The following KCNQ1 variants were observed in gnomAD, a reference collection of about 807,000 sequenced individuals.
The protein encoded by KCNQ1 is potassium voltage-gated channel subfamily KQT member 1.
In KCNQ1, 49 loss-of-function variants were observed where a neutral mutation model predicts 72.4. That is an observed-to-expected ratio of 0.68 (90% CI 0.54 to 0.86). The LOEUF is 0.86. Among genes scored for constraint, KCNQ1 ranks in the 40% least tolerant of loss-of-function variants. The probability of loss-of-function intolerance (pLI) is 0.00; values close to 1 mark genes in which losing one functional copy is unlikely to be tolerated. For synonymous variants in KCNQ1, 450 were observed against 412.6 expected (o/e 1.09, Z -1.10); for missense variants, 790 against 945.1 (o/e 0.84, Z 2.15).
Position 2,817,400 on chromosome 11 carries a change from C to T in KCNQ1, c.1795-30367C>T, listed in dbSNP as rs564312698. Among the ~76,000 whole-genome samples, 26 of 152,158 alleles carry T rather than the reference C, an allele frequency of 1.7e-4. No individual in the cohort carries two copies. The highest frequency in any genetic ancestry group is 3.7e-4 in the Non-Finnish European group (25 of 68,018). On this transcript the variant is annotated intron_variant, in intron 15 of 15. Transcript: ENST00000155840. This position sits in a 1 kb window ranked among gnomAD's most constrained non-coding sequence, Gnocchi z 6.1. ...GAATCACACCAGTGCCCCCTGACCCCCAGCCTTGTGCAGACACTGATACCC... is the reference window on the plus strand; with the variant it reads ...GAATCACACCAGTGCCCCCTGACCCTCAGCCTTGTGCAGACACTGATACCC...
At chr11:2,485,475 T>G (rs1225329215) in intron 1 of KCNQ1, among the ~76,000 whole-genome samples, 1 of 151,930 alleles carries the variant, frequency 6.6e-6, no homozygotes, top group African/African-American at 2.4e-5. Flanking sequence ...CCCCTCTTTC[T>G]TACAAAAAGG....
At chr11:2,586,694 G>T (rs781436852) in intron 8 of KCNQ1, among the ~76,000 whole-genome samples, 2 of 152,090 alleles carry the variant, frequency 1.3e-5, no homozygotes, top group Non-Finnish European at 2.9e-5. Context: ...TTGTGCCCTC[G>T]CCTGCCTGTC....
chr11:2,571,181 G>C, intron 3 of KCNQ1, 144 bp from the exon 4 acceptor site: 3 of 735,470 alleles, frequency 4.1e-6, no homozygotes, highest in Middle Eastern at 2.3e-4. Context: ...CTCCCTATCC[G>C]AGGTGTCTCC....
chr11:2,663,733 A>G lies in KCNQ1; in HGVS notation c.1514+1652A>G. ...GGTCTTGCAAGGCCCCTGCAGGTGA[A>G]GGTGGTGAGAGACCAGGCACTTATG... On this transcript the variant is annotated intron_variant, in intron 11 of 15. Transcript: ENST00000155840. This position sits in a 1 kb window ranked among gnomAD's most constrained non-coding sequence, Gnocchi z 5.2. 2.5e-6 allele frequency: 1 copy of G among 398,706 alleles called. No individual in the cohort carries two copies. The highest frequency in any genetic ancestry group is 4.4e-6 in the Non-Finnish European group (1 of 226,110). 24.7% of individuals were successfully genotyped at this position (398,706 alleles called of 1,614,324 possible).
chr11:2,591,582 C>T (rs1564827330), intron 10 of KCNQ1, among the ~76,000 whole-genome samples: 1 of 152,204 alleles, frequency 6.6e-6, no homozygotes, highest in African/African-American at 2.4e-5. Context: ...GGGCTGGGGA[C>T]CCAGCCTGTG....
Position 2,767,186 on chromosome 11 carries a change from A to AC in KCNQ1, c.1515-1658_1515-1657insC, listed in dbSNP as rs1491549587. Among the ~76,000 whole-genome samples, 1 of 147,522 alleles carries AC rather than the reference A, an allele frequency of 6.8e-6. No individual in the cohort carries two copies. The highest frequency in any genetic ancestry group is 1.5e-5 in the Non-Finnish European group (1 of 66,604). The stretch of plus-strand genomic sequence containing the variant: ...CATCTATATGTGTGTGTGTGTGTGT[A>AC]TTTTTTTTTTTCTTTGCTTAGCTAG... On this transcript the variant is annotated intron_variant, in intron 11 of 15. Transcript: ENST00000155840. This position sits in a 1 kb window ranked among gnomAD's most constrained non-coding sequence, Gnocchi z 4.6.
Position 2,471,114 on chromosome 11 carries a change from CCT to C in KCNQ1, c.386+25631_386+25632del, listed in dbSNP as rs1846446219. On this transcript the variant is annotated intron_variant, in intron 1 of 15. Coordinates refer to ENST00000155840, the MANE Select transcript of KCNQ1 (RefSeq NM_000218.3). The surrounding 1 kb of genome is among the most constrained non-coding windows in gnomAD (Gnocchi z 4.8). ...GCAGAGTTCTACCCGCCCTCACCAC[CCT>C]GTATCAACTCATCTCATCGATATCT... is the stretch of plus-strand genomic sequence containing the variant. Among the ~76,000 whole-genome samples, 1 of 152,068 alleles carries C rather than the reference CCT, an allele frequency of 6.6e-6. No individual in the cohort carries two copies. The highest frequency in any genetic ancestry group is 1.5e-5 in the Non-Finnish European group (1 of 68,002).
At chr11:2,619,494 T>C (rs1849127910) in intron 10 of KCNQ1, 1 of 398,470 alleles carries the variant, frequency 2.5e-6, no homozygotes, top group South Asian at 1.3e-4. Context: ...TTAAATAAGA[T>C]TTGCATGCCA....
intron 11 of KCNQ1, chr11:2,665,718 C>G: frequency 2.5e-6 from 1 of 398,410 alleles, no homozygotes. Flanking sequence ...CCCTCTTGGT[C>G]TCTTCCTCCC....
chr11:2,604,738 T>C (rs1848856529), intron 10 of KCNQ1, among the ~76,000 whole-genome samples: 1 of 151,740 alleles, frequency 6.6e-6, no homozygotes, highest in South Asian at 2.1e-4. Flanking sequence ...AGAGACAGGG[T>C]TTTACCATGT....
At chr11:2,609,329 C>T (rs1050872873) in intron 10 of KCNQ1, 6 of 398,198 alleles carry the variant, frequency 1.5e-5, no homozygotes, top group Non-Finnish European at 1.8e-5. Context: ...GTGTATGTTT[C>T]CCTAATTTCT....
rs1421382150 is a variant in KCNQ1, at chr11:2,450,696, A to G, written c.386+5212A>G. Among the ~76,000 whole-genome samples the G allele has an allele frequency of 2.6e-5, 4 of 152,122 alleles. No individual in the cohort carries two copies. Among genetic ancestry groups the G allele is most frequent in the Non-Finnish European group, 4.4e-5 (3 of 68,016 alleles). On this transcript the variant is annotated intron_variant, in intron 1 of 15. Coordinates refer to ENST00000155840, the MANE Select transcript of KCNQ1 (RefSeq NM_000218.3). The surrounding 1 kb of genome is among the most constrained non-coding windows in gnomAD (Gnocchi z 7.9). ...CTCTCCAGCAGCTCCTCCAACCACC[A>G]TGAGAAACCCCAGACCTCACAGATG...
intron 11 of KCNQ1, among the ~76,000 whole-genome samples, chr11:2,744,049 T>A (rs1846099552): frequency 6.6e-6 from 1 of 152,226 alleles, no homozygotes; most frequent in Non-Finnish European, 1.5e-5. Context: ...CCCACGTAGC[T>A]TGGGACATCA....
At position 2,621,859 on chromosome 11, in the gene KCNQ1, TTTTC is replaced by T; in HGVS notation, c.1393+33011_1393+33014del. 2.5e-6 allele frequency: 1 copy of T among 398,380 alleles called. No homozygotes were observed. The highest frequency in any genetic ancestry group is 4.4e-6 in the Non-Finnish European group (1 of 225,944). 24.7% of individuals were successfully genotyped at this position (398,380 alleles called of 1,614,324 possible). On this transcript the variant is annotated intron_variant, in intron 10 of 15. Transcript: ENST00000155840. The surrounding 1 kb of genome is among the most constrained non-coding windows in gnomAD (Gnocchi z 5.7). ...TTTACTGACTTTTTTCCCCTATGGTTTTTCTTTCTAACTTGTCTCTGTTCTGATC... is the reference window on the plus strand; with the variant it reads ...TTTACTGACTTTTTTCCCCTATGGTTTTTCTAACTTGTCTCTGTTCTGATC...
rs770787738 is a variant in KCNQ1, at chr11:2,491,263, G to A, written c.387-36665G>A. Among the ~76,000 whole-genome samples, 9 of 152,156 alleles carry A rather than the reference G, an allele frequency of 5.9e-5. No individual in the cohort carries two copies. The highest frequency in any genetic ancestry group is 9.7e-5 in the African/African-American group (4 of 41,430). On this transcript the variant is annotated intron_variant, in intron 1 of 15. Coordinates refer to ENST00000155840, the MANE Select transcript of KCNQ1 (RefSeq NM_000218.3). This position sits in a 1 kb window ranked among gnomAD's most constrained non-coding sequence, Gnocchi z 4.1. ...CAAACAAACTAAATAAAGCATCAGG[G>A]ACCAATCCTGAAGAAAAGAGATATG...
chr11:2,820,564 C>CTGTTTGTTTGTT (rs3079085), intron 15 of KCNQ1, among the ~76,000 whole-genome samples: 10 of 151,828 alleles, frequency 6.6e-5, no homozygotes, highest in African/African-American at 1.9e-4. Flanking sequence ...ACTTACCTTG[C>CTGTTTGTTTGTT]TGTTTGTTTG....
At chr11:2,619,936 T>C (rs1047972884) in intron 10 of KCNQ1, 2 of 385,224 alleles carry the variant, frequency 5.2e-6, no homozygotes, top group Non-Finnish European at 4.5e-6. Context: ...TGCATGATGA[T>C]GAGGTTTGGA....
intron 11 of KCNQ1, chr11:2,694,452 C>T: frequency 2.5e-6 from 1 of 398,630 alleles, no homozygotes; most frequent in Non-Finnish European, 4.4e-6. Context: ...ATATAAATGA[C>T]AGCCCCTCAC....
In KCNQ1 at chr11:2,661,996, C is replaced by T. The variant is rs1162587598; in HGVS notation, c.1429C>T (p.Pro477Ser). 1.2e-6 allele frequency: 2 copies of T among 1,614,190 alleles called. No individual in the cohort carries two copies. The highest frequency in any genetic ancestry group is 2.2e-5 in the East Asian group (1 of 44,876). ...CCCAACACTGCTGGAAGTGAGCATG[C>T]CCCATTTCATGAGAACCAACAGCTT... The part of the protein sequence containing the change: ...KSPTLLEVSM[P>S]HFMRTNSFAE... The change falls in exon 11 of 16, where the codon CCC becomes TCC. Residue 477 changes from proline (P) to serine (S), a missense_variant. Around this residue, in one of 5 missense-constraint regions of KCNQ1, gnomAD observed 178 missense variants for 177.9 expected, o/e 1.00. Coordinates refer to ENST00000155840, the MANE Select transcript of KCNQ1 (RefSeq NM_000218.3). The surrounding 1 kb of genome is among the most constrained non-coding windows in gnomAD (Gnocchi z 5.9).
Sources: allele counts gnomAD v4.1 joint callset (sites outside exome capture counted in the v4.1 genomes callset), GRCh38; gene constraint gnomAD v4.1.1; regional missense constraint gnomAD v4.1.1; non-coding constraint Gnocchi (gnomAD v3.1); transcripts MANE v1.5; gene names NCBI Gene and HGNC (gene_info 2026-07-23, HGNC 2026-07-21).